Variants in LAMA2 observed in about 807,000 individuals in gnomAD.
LAMA2 encodes laminin subunit alpha 2, also known as laminin subunit alpha-2.
Under a neutral mutation model 364.8 loss-of-function variants are expected in LAMA2, and 269 were observed. That is an observed-to-expected ratio of 0.74 (90% CI 0.67 to 0.82). The LOEUF is 0.82. LAMA2 is among the 40% of genes least tolerant of loss of function. The pLI is 0.00. For synonymous variants in LAMA2, 1,379 were observed against 1,370.6 expected (o/e 1.01, Z -0.14); for missense variants, 3,807 against 3,873.2 (o/e 0.98, Z 0.45).
intron 27 of LAMA2, among the ~76,000 whole-genome samples, chr6:129,319,968 A>G (rs940534592): frequency 1.2e-4 from 18 of 152,076 alleles, no homozygotes; most frequent in African/African-American, 4.3e-4. Flanking sequence ...CCCAGTTTCT[A>G]CTAAAAATAC....
intron 53 of LAMA2, among the ~76,000 whole-genome samples, chr6:129,477,512 A>G (rs1784127156): frequency 6.6e-6 from 1 of 152,140 alleles, no homozygotes; most frequent in South Asian, 2.1e-4. Flanking sequence ...ATATAAGAAC[A>G]CTGAGTCTTG....
At chr6:129,181,372 A>G (rs1780913933) in intron 10 of LAMA2, among the ~76,000 whole-genome samples, 1 of 152,094 alleles carries the variant, frequency 6.6e-6, no homozygotes, top group Non-Finnish European at 1.5e-5. Context: ...CTGTGATCAT[A>G]TTCTTATCAC....
chr6:129,280,662 TG>T (rs1480394342), intron 18 of LAMA2, among the ~76,000 whole-genome samples: 2 of 152,224 alleles, frequency 1.3e-5, no homozygotes, highest in Admixed American at 1.3e-4. Context: ...TAATTCCTGT[TG>T]ATTTTACTGG....
chr6:129,403,943 A>G lies in LAMA2; in HGVS notation c.5849A>G (p.His1950Arg), dbSNP rs144301099. ...GCCAAAGAAGCCAAAGATCTTGCAC[A>G]TGAAGCTACAAAACTGGTAAGAAAC... ...KVAKEAKDLA[H>R]EATKLATGPR... is the part of the protein sequence containing the mutation. The change falls in exon 40 of 65, where the codon CAT becomes CGT. Residue 1950 changes from histidine (H) to arginine (R), a missense_variant. This residue lies in a region of LAMA2 where 3,333 missense variants were observed against 3,345.7 expected (regional missense o/e 1.00). Coordinates refer to ENST00000421865, the MANE Select transcript of LAMA2 (RefSeq NM_000426.4). 8 of 1,613,868 alleles carry G rather than the reference A, an allele frequency of 5.0e-6. No homozygotes were observed. The highest frequency in any genetic ancestry group is 1.3e-5 in the African/African-American group (1 of 74,942).
At chr6:129,389,787 G>A (rs1244033635) in intron 35 of LAMA2, among the ~76,000 whole-genome samples, 1 of 152,040 alleles carries the variant, frequency 6.6e-6, no homozygotes, top group Non-Finnish European at 1.5e-5. Flanking sequence ...CTGATCTTGT[G>A]AGAATTTATT....
intron 4 of LAMA2, among the ~76,000 whole-genome samples, chr6:129,099,862 A>T (rs1336960445): frequency 6.6e-6 from 1 of 152,234 alleles, no homozygotes; most frequent in Non-Finnish European, 1.5e-5. Flanking sequence ...ACTCAAATGC[A>T]GTGAGTCAAA....
At chr6:128,897,574 A>G (rs1180789339) in intron 1 of LAMA2, among the ~76,000 whole-genome samples, 4 of 152,244 alleles carry the variant, frequency 2.6e-5, no homozygotes, top group African/African-American at 9.6e-5. Context: ...GGATAGTTAC[A>G]GTTATTAACT....
chr6:129,178,685 A>C (rs897978667), intron 10 of LAMA2, among the ~76,000 whole-genome samples: 1 of 152,046 alleles, frequency 6.6e-6, no homozygotes, highest in African/African-American at 2.4e-5. Context: ...TTAAAGAGGG[A>C]CCCTTATTAA....
chr6:129,481,157 G>T (rs2275214), intron 54 of LAMA2, 106 bp from the exon 55 acceptor site: 2 of 853,240 alleles, frequency 2.3e-6, no homozygotes, highest in Non-Finnish European at 4.0e-6. Flanking sequence ...AACCTATGAT[G>T]TATTTCATAA....
chr6:129,431,426 T>C (rs1583732778), intron 41 of LAMA2, among the ~76,000 whole-genome samples: 1 of 148,524 alleles, frequency 6.7e-6, no homozygotes, highest in East Asian at 2.0e-4. Context: ...CTAGGTAACA[T>C]ACCTATAAAA....
chr6:129,252,153 G>T lies in LAMA2; in HGVS notation c.1954G>T (p.Val652Leu), dbSNP rs1372325402. Residue 652 changes from valine (V) to leucine (L), a missense_variant, in exon 14 of 65, where the codon GTA becomes TTA. By Grantham distance (32) the Val-to-Leu change is conservative. This residue lies in a region of LAMA2 where 3,333 missense variants were observed against 3,345.7 expected (regional missense o/e 1.00). Transcript: ENST00000421865. ...YLHPSEEHTN[V>L]LLLKEESFTI... ...GCACCCATCTGAAGAACATACTAAT[G>T]TATTGTTACTTAAAGAAGAATCATT... The T allele has an allele frequency of 1.9e-6, 3 of 1,613,036 alleles. No homozygotes were observed. Among genetic ancestry groups the T allele is most frequent in the East Asian group, 2.2e-5 (1 of 44,828 alleles).
chr6:129,502,687 C>G lies in LAMA2; in HGVS notation c.8273C>G (p.Ala2758Gly). 3 of 1,613,948 alleles carry G rather than the reference C, an allele frequency of 1.9e-6. No homozygotes were observed. The highest frequency in any genetic ancestry group is 2.5e-6 in the Non-Finnish European group (3 of 1,179,848). ...HGPCAAESEPALLIGSKQFGL... is the reference protein window; with the variant it reads ...HGPCAAESEPGLLIGSKQFGL... The stretch of plus-strand genomic sequence containing the variant: ...CCTTGTGCTGCAGAATCAGAACCAG[C>G]TCTTTTGATAGGGAGCAAGCAGTTC... Residue 2758 changes from alanine to glycine, a missense_variant, in exon 59 of 65, where the codon GCT becomes GGT. By Grantham distance (60) the Ala-to-Gly change is moderately conservative. Around this residue, in one of 3 missense-constraint regions of LAMA2, gnomAD observed 3,333 missense variants for 3,345.7 expected, o/e 1.00. Transcript: ENST00000421865.
chr6:129,376,978 G>T (rs1375525977), intron 34 of LAMA2, among the ~76,000 whole-genome samples: 1 of 152,082 alleles, frequency 6.6e-6, no homozygotes, highest in Non-Finnish European at 1.5e-5. Context: ...TTAATTAATT[G>T]TGAATGATTT....
chr6:129,043,424 G>A (rs1787242213), intron 1 of LAMA2, among the ~76,000 whole-genome samples: 1 of 151,932 alleles, frequency 6.6e-6, no homozygotes, highest in Admixed American at 6.6e-5. Flanking sequence ...TTAATCACAT[G>A]TAGTGGATTT....
intron 9 of LAMA2, among the ~76,000 whole-genome samples, chr6:129,170,468 C>A (rs1262829024): frequency 1.7e-5 from 2 of 119,696 alleles, no homozygotes; most frequent in Admixed American, 1.5e-4. Context: ...TGTAGTTGAG[C>A]AGTTTTGAGT....
At chr6:128,897,548 A>G (rs1207034606) in intron 1 of LAMA2, among the ~76,000 whole-genome samples, 2 of 152,250 alleles carry the variant, frequency 1.3e-5, no homozygotes, top group African/African-American at 4.8e-5. Context: ...TGGATATATG[A>G]CAAGTGATGG....
chr6:129,246,720 G>A (rs1418016998), intron 12 of LAMA2, among the ~76,000 whole-genome samples: 1 of 152,132 alleles, frequency 6.6e-6, no homozygotes, highest in East Asian at 1.9e-4. Context: ...ATTTGAAGGA[G>A]AGAGTAAACG....
At chr6:129,461,819 TCTC>T (rs1344286885) in intron 49 of LAMA2, among the ~76,000 whole-genome samples, 1 of 25,006 alleles carries the variant, frequency 4.0e-5, no homozygotes, top group Non-Finnish European at 8.2e-5. Context: ...GTTTACAACT[TCTC>T]CTGATGCTAG....
Position 129,342,840 on chromosome 6 carries a change from A to G in LAMA2, c.4436+373A>G, listed in dbSNP as rs1474029893. Among the ~76,000 whole-genome samples, 3 of 152,182 alleles carry G rather than the reference A, an allele frequency of 2.0e-5. No homozygotes were observed. The East Asian group carries it at 5.8e-4, about 29-fold the overall frequency. ...ATGAAGGATTGTTCGGGTGCATATT[A>G]TATAATTTTTGTGGCTGTTTCCATT... On this transcript the variant is annotated intron_variant, in intron 30 of 64. Transcript: ENST00000421865.
Sources: allele counts gnomAD v4.1 joint callset (sites outside exome capture counted in the v4.1 genomes callset), GRCh38; gene constraint gnomAD v4.1.1; regional missense constraint gnomAD v4.1.1; transcripts MANE v1.5; gene names NCBI Gene and HGNC (gene_info 2026-07-23, HGNC 2026-07-21).